The following CAP2 variants were observed in gnomAD, a reference collection of about 807,000 sequenced individuals.
CAP2 encodes the protein adenylyl cyclase-associated protein 2.
In CAP2, 24 loss-of-function variants were observed where a neutral mutation model predicts 57.7. The ratio of observed to expected loss-of-function variants is 0.42; its 90% CI spans 0.30 to 0.58. The LOEUF (loss-of-function observed/expected upper bound fraction) is 0.58, where lower values mean the gene tolerates loss of function less well. CAP2 is among the 20% of genes least tolerant of loss of function. The probability of loss-of-function intolerance (pLI) is 0.22; values close to 1 mark genes in which losing one functional copy is unlikely to be tolerated. For synonymous variants in CAP2, 194 were observed against 207.2 expected, an observed-to-expected ratio of 0.94 and a Z score of 0.55; for missense variants, 501 against 590.3, an observed-to-expected ratio of 0.85 and a Z score of 1.57.
chr6:17,460,745 A>G (rs1206720407), intron 3 of CAP2, among the ~76,000 whole-genome samples: 1 of 152,222 alleles, frequency 6.6e-6, no homozygotes. Flanking sequence ...CTACGATTCA[A>G]TCATAACTAA....
At chr6:17,482,324 A>G (rs1761309484) in intron 4 of CAP2, among the ~76,000 whole-genome samples, 1 of 152,096 alleles carries the variant, frequency 6.6e-6, no homozygotes, top group South Asian at 2.1e-4. Context: ...CCTGGCCAAC[A>G]TGGTGAAACC....
intron 1 of CAP2, among the ~76,000 whole-genome samples, chr6:17,405,878 C>T (rs7742629): frequency 0.1 from 15,795 of 151,916 alleles, 2,741 homozygotes; most frequent in African/African-American, 0.36. Context: ...GTAGCTGGGA[C>T]TATAGGCTCA....
At position 17,507,183 on chromosome 6, in the gene CAP2, A is replaced by G. The variant is rs1038965489; in HGVS notation, c.315A>G (p.Ala105=). The change falls in exon 5 of 13, where the codon GCA becomes GCG. Residue 105 remains alanine (A), a synonymous_variant. Transcript: ENST00000229922. ...ACTGCTTACAGAATGACGTGGCCGC[A>G]CTTCTGAAACCCATATCGGAAAAGA... ...YQQPHENDVA[A]LLKPISEKIQ... is the part of the protein sequence containing the mutation. The G allele has an allele frequency of 6.2e-7, 1 of 1,614,208 alleles. No individual in the cohort carries two copies. The highest frequency in any genetic ancestry group is 8.5e-7 in the Non-Finnish European group (1 of 1,180,028).
rs1233639436 is a variant in CAP2, at chr6:17,507,625, G to A, written c.445-16G>A. 5 of 1,483,834 alleles carry A rather than the reference G, an allele frequency of 3.4e-6. No homozygotes were observed. Among genetic ancestry groups the A allele is most frequent in the Non-Finnish European group, 4.7e-6 (5 of 1,063,288 alleles). 91.9% of individuals were successfully genotyped at this position (1,483,834 alleles called of 1,614,324 possible). On this transcript the variant is annotated splice_polypyrimidine_tract_variant and intron_variant, in intron 5 of 12. Transcript: ENST00000229922. ...TTTTTTCCTTCTATGCTTGGGTGAC[G>A]GTCCTGTTTTCTCAGTCTCCCAAAC...
chr6:17,408,602 G>A (rs4716142), intron 1 of CAP2, among the ~76,000 whole-genome samples: 55,455 of 150,520 alleles, frequency 0.37, 11,687 homozygotes, highest in African/African-American at 0.59. Flanking sequence ...GACAGAATTT[G>A]ATAAAGTAAA....
intron 3 of CAP2, among the ~76,000 whole-genome samples, chr6:17,457,702 T>C (rs1760611482): frequency 6.6e-6 from 1 of 152,204 alleles, no homozygotes; most frequent in Non-Finnish European, 1.5e-5. Context: ...ATTGTTCCCA[T>C]GAAACACCAT....
intron 3 of CAP2, among the ~76,000 whole-genome samples, chr6:17,435,126 T>C (rs1249538735): frequency 9.0e-6 from 1 of 111,536 alleles, no homozygotes; most frequent in South Asian, 3.5e-4. Context: ...AGTGTGGCGA[T>C]TCCTCAGGGA....
intron 1 of CAP2, among the ~76,000 whole-genome samples, chr6:17,403,673 G>C (rs572566226): frequency 2.0e-5 from 3 of 152,174 alleles, no homozygotes; most frequent in African/African-American, 7.2e-5. Flanking sequence ...AGTATGGTAG[G>C]CTAATGAGTA....
chr6:17,413,591 A>T (rs1759196664), intron 1 of CAP2, among the ~76,000 whole-genome samples: 1 of 152,216 alleles, frequency 6.6e-6, no homozygotes, highest in South Asian at 2.1e-4. Flanking sequence ...TGAAACAAAC[A>T]TATTCAATGA....
chr6:17,425,480 T>C (rs1270437420), intron 2 of CAP2, among the ~76,000 whole-genome samples: 1 of 152,072 alleles, frequency 6.6e-6, no homozygotes, highest in African/African-American at 2.4e-5. Flanking sequence ...TTGCCCAGAG[T>C]TCATTATTAC....
chr6:17,421,458 T>G (rs1374754852), intron 1 of CAP2, 97 bp from the exon 2 acceptor site: 3 of 1,176,678 alleles, frequency 2.5e-6, no homozygotes, highest in East Asian at 4.7e-5. Context: ...CCCCAGTGAT[T>G]GTGTCTTCCT....
At chr6:17,475,708 G>C (rs1761137559) in intron 4 of CAP2, among the ~76,000 whole-genome samples, 1 of 152,242 alleles carries the variant, frequency 6.6e-6, no homozygotes, top group African/African-American at 2.4e-5. Flanking sequence ...AAATGCTGCT[G>C]AAAAATGTTC....
chr6:17,535,088 C>A (rs746827606), intron 7 of CAP2, among the ~76,000 whole-genome samples: 7 of 152,006 alleles, frequency 4.6e-5, no homozygotes, highest in Non-Finnish European at 7.4e-5. Context: ...TCCAGAGGTG[C>A]TGTAGGAGCT....
chr6:17,551,763 G>A (rs751332753), intron 12 of CAP2, among the ~76,000 whole-genome samples, 159 bp downstream of exon 12: 3 of 152,124 alleles, frequency 2.0e-5, no homozygotes, highest in Non-Finnish European at 4.4e-5. Flanking sequence ...ATCTCTTCCC[G>A]CCTATTAGCT....
chr6:17,482,430 A>C (rs1761312598), intron 4 of CAP2, among the ~76,000 whole-genome samples: 2 of 147,764 alleles, frequency 1.4e-5, no homozygotes, highest in South Asian at 4.3e-4. Flanking sequence ...AATCGCTTGA[A>C]CCTGGGAGGC....
intron 1 of CAP2, among the ~76,000 whole-genome samples, chr6:17,403,908 C>CAACT (rs561499051): frequency 3.9e-4 from 59 of 152,226 alleles, no homozygotes; most frequent in African/African-American, 1.4e-3. Flanking sequence ...ACATTCTTTG[C>CAACT]AACTATTCAC....
chr6:17,464,325 G>A (rs1055682843), intron 4 of CAP2, among the ~76,000 whole-genome samples: 13 of 152,118 alleles, frequency 8.5e-5, no homozygotes, highest in African/African-American at 3.1e-4. Flanking sequence ...TGACACAATA[G>A]CTTAAATGTA....
intron 3 of CAP2, among the ~76,000 whole-genome samples, chr6:17,455,223 G>A (rs182464591): frequency 6.6e-6 from 1 of 152,118 alleles, no homozygotes; most frequent in South Asian, 2.1e-4. Context: ...AGCACTAAGA[G>A]GCAAAATGGT....
intron 1 of CAP2, among the ~76,000 whole-genome samples, chr6:17,414,868 C>A (rs1301016272): frequency 6.6e-6 from 1 of 152,180 alleles, no homozygotes; most frequent in Non-Finnish European, 1.5e-5. Flanking sequence ...TACCTTCCCA[C>A]CAACAGCGTA....
Sources: gnomAD v4.1 joint callset for allele counts (sites outside exome capture counted in the v4.1 genomes callset) on GRCh38, gnomAD v4.1.1 for gene constraint, MANE v1.5 for transcripts, NCBI Gene and HGNC (gene_info 2026-07-23, HGNC 2026-07-21) for gene names.